EPHA6: variants seen among roughly 807,000 people sequenced by gnomAD.
EPHA6 encodes the protein ephrin type-A receptor 6.
A neutral mutation model predicts 112.0 loss-of-function variants in EPHA6; 50 were observed. The ratio of observed to expected loss-of-function variants is 0.45; its 90% CI spans 0.36 to 0.56. The LOEUF (loss-of-function observed/expected upper bound fraction) is 0.56, where lower values mean the gene tolerates loss of function less well. EPHA6 is among the 20% of genes least tolerant of loss of function. The pLI is 0.00. For missense variants in EPHA6, 1,280 were observed against 1,417.4 expected (o/e 0.90, Z 1.56); for synonymous variants, 529 against 490.7 (o/e 1.08, Z -1.03).
At chr3:97,251,901 A>G (rs1215128426) in intron 5 of EPHA6, among the ~76,000 whole-genome samples, 1 of 152,206 alleles carries the variant, frequency 6.6e-6, no homozygotes, top group East Asian at 1.9e-4. Flanking sequence ...AACTTGGCAC[A>G]ATGTTTTTTG....
intron 2 of EPHA6, among the ~76,000 whole-genome samples, chr3:96,883,487 CT>C (rs1293521332): frequency 6.6e-6 from 1 of 152,126 alleles, no homozygotes; most frequent in African/African-American, 2.4e-5. Context: ...GAAATCCTTG[CT>C]TAAGCCAATG....
At chr3:97,433,063 C>T (rs1391571961) in intron 6 of EPHA6, among the ~76,000 whole-genome samples, 1 of 152,132 alleles carries the variant, frequency 6.6e-6, no homozygotes, top group African/African-American at 2.4e-5. Flanking sequence ...ATAGTCTTTT[C>T]ATCTACGGCA....
At chr3:97,701,555 ACT>A (rs751348213) in intron 14 of EPHA6, among the ~76,000 whole-genome samples, 40 of 151,700 alleles carry the variant, frequency 2.6e-4, no homozygotes, top group African/African-American at 4.1e-4. Context: ...AAAATTCTAT[ACT>A]CTCGTATATT....
chr3:96,880,489 T>C (rs2037247615), intron 2 of EPHA6, among the ~76,000 whole-genome samples: 1 of 152,128 alleles, frequency 6.6e-6, no homozygotes, highest in South Asian at 2.1e-4. Context: ...GTAAATGTAA[T>C]GAAAGGAAAC....
chr3:97,564,109 T>C (rs1234909240), intron 11 of EPHA6, among the ~76,000 whole-genome samples: 1 of 152,110 alleles, frequency 6.6e-6, no homozygotes, highest in African/African-American at 2.4e-5. Flanking sequence ...GGGGGAAAAC[T>C]AAAAATAATT....
chr3:96,874,460 G>A (rs1218477856), intron 2 of EPHA6, among the ~76,000 whole-genome samples: 2 of 151,966 alleles, frequency 1.3e-5, no homozygotes, highest in South Asian at 2.1e-4. Context: ...GTTATTGACT[G>A]TAGGCTAATT....
chr3:97,114,133 G>T (rs2108288678), intron 3 of EPHA6, among the ~76,000 whole-genome samples: 1 of 152,156 alleles, frequency 6.6e-6, no homozygotes, highest in Non-Finnish European at 1.5e-5. Flanking sequence ...TATCACAGAG[G>T]AGCCCCTTGG....
intron 2 of EPHA6, among the ~76,000 whole-genome samples, chr3:96,904,381 G>A (rs1241142327): frequency 6.9e-6 from 1 of 145,968 alleles, no homozygotes; most frequent in African/African-American, 2.5e-5. Flanking sequence ...ACCGCGTGTT[G>A]TCACTCATAG....
At chr3:97,250,674 T>C (rs995770835) in intron 5 of EPHA6, among the ~76,000 whole-genome samples, 1 of 152,216 alleles carries the variant, frequency 6.6e-6, no homozygotes, top group African/African-American at 2.4e-5. Context: ...TATAAGGCTC[T>C]ACTTTATGGT....
At chr3:97,450,925 AC>A (rs1232489236) in intron 7 of EPHA6, among the ~76,000 whole-genome samples, 1 of 152,072 alleles carries the variant, frequency 6.6e-6, no homozygotes, top group Non-Finnish European at 1.5e-5. Flanking sequence ...GAAGATGACT[AC>A]TACTTCAGCA....
chr3:97,282,726 C>T lies in EPHA6; in HGVS notation c.1606+38439C>T, dbSNP rs143139468. 2.3e-3 allele frequency among the ~76,000 whole-genome samples: 346 copies of T among 152,224 alleles called. 2 individuals are homozygous for T. Among genetic ancestry groups the T allele is most frequent in the African/African-American group, 7.7e-3 (321 of 41,548 alleles). ...GCTGGAAGCCATTATCTTCACCAAA[C>T]TAACACAGGAATAGGAAACCAAACA... On this transcript the variant is annotated intron_variant, in intron 5 of 17. Coordinates refer to ENST00000389672, the MANE Select transcript of EPHA6 (RefSeq NM_001080448.3).
At chr3:97,173,694 T>G (rs2076757850) in intron 3 of EPHA6, among the ~76,000 whole-genome samples, 1 of 151,812 alleles carries the variant, frequency 6.6e-6, no homozygotes, top group Non-Finnish European at 1.5e-5. Flanking sequence ...GTACTTTGAT[T>G]TAGTGTATAG....
chr3:97,495,128 C>T (rs2091943086), intron 10 of EPHA6, among the ~76,000 whole-genome samples: 1 of 152,124 alleles, frequency 6.6e-6, no homozygotes, highest in Non-Finnish European at 1.5e-5. Context: ...GAGCTTACTA[C>T]CAGCTTATCC....
chr3:96,866,842 AC>A lies in EPHA6; in HGVS notation c.404del (p.Thr135LysfsTer7). On this transcript the variant is annotated frameshift_variant, in exon 2 of 18. Transcript: ENST00000389672. LOFTEE classifies it high-confidence loss of function. Reference protein sequence around the residue: ...SNNQVVLLDTTTVLGELGWKT... With the variant: ...SNNQVVLLDTXTVLGELGWKT... Reference sequence around the variant, plus strand: ...AATTCCAGTTGTGTTGCTTGATACAACAACTGTACTGGGAGAGCTAGGATGG... The same window carrying A: ...AATTCCAGTTGTGTTGCTTGATACAAAACTGTACTGGGAGAGCTAGGATGG... The A allele has an allele frequency of 6.7e-7, 1 of 1,482,450 alleles. No individual in the cohort carries two copies. The highest frequency in any genetic ancestry group is 9.0e-7 in the Non-Finnish European group (1 of 1,113,786). 91.8% of individuals were successfully genotyped at this position (1,482,450 alleles called of 1,614,324 possible).
intron 11 of EPHA6, among the ~76,000 whole-genome samples, chr3:97,546,299 G>C (rs1286633787): frequency 6.6e-6 from 1 of 152,052 alleles, no homozygotes; most frequent in African/African-American, 2.4e-5. Flanking sequence ...GTCTGTAAAG[G>C]ATTTTATTTC....
At chr3:96,933,299 T>G (rs2040424878) in intron 2 of EPHA6, among the ~76,000 whole-genome samples, 2 of 152,140 alleles carry the variant, frequency 1.3e-5, no homozygotes, top group African/African-American at 4.8e-5. Context: ...AAATATATTT[T>G]TAAAAATGAG....
chr3:97,018,422 C>T (rs1453891717), intron 3 of EPHA6, among the ~76,000 whole-genome samples: 2 of 152,030 alleles, frequency 1.3e-5, no homozygotes, highest in African/African-American at 2.4e-5. Context: ...CCAGGCTGCA[C>T]TGATATTTAT....
chr3:97,441,463 T>A, intron 6 of EPHA6: 1 of 972,722 alleles, frequency 1.0e-6, no homozygotes, highest in Non-Finnish European at 1.2e-6. Flanking sequence ...ACTAGACATC[T>A]GCCAAAAATG....
chr3:97,664,998 C>T (rs377243684), intron 14 of EPHA6, among the ~76,000 whole-genome samples: 1 of 152,240 alleles, frequency 6.6e-6, no homozygotes, highest in African/African-American at 2.4e-5. Flanking sequence ...CAAAAAAGAG[C>T]CTGCATTGCC....
Sources: allele counts gnomAD v4.1 joint callset (sites outside exome capture counted in the v4.1 genomes callset), GRCh38; gene constraint gnomAD v4.1.1; transcripts MANE v1.5; gene names NCBI Gene and HGNC (gene_info 2026-07-23, HGNC 2026-07-21).